TMEM232: variants seen among roughly 807,000 people sequenced by gnomAD.
TMEM232 encodes the protein transmembrane protein 232.
In TMEM232, 80 loss-of-function variants were observed where a neutral mutation model predicts 78.8. The ratio of observed to expected loss-of-function variants is 1.01; its 90% confidence interval spans 0.85 to 1.22. TMEM232 has a LOEUF of 1.22. Ranked by LOEUF, TMEM232 falls within the 50% of genes most tolerant of loss-of-function variation. TMEM232 has a pLI of 0.00. For synonymous variants in TMEM232, 297 were observed against 254.3 expected (o/e 1.17, Z -1.60); for missense variants, 881 against 742.2 (o/e 1.19, Z -2.17).
chr5:110,636,162 A>T (rs984181149), intron 5 of TMEM232, among the ~76,000 whole-genome samples: 1 of 152,054 alleles, frequency 6.6e-6, no homozygotes, highest in Non-Finnish European at 1.5e-5. Context: ...CTAGGCACAG[A>T]AATACAAAAA....
intron 12 of TMEM232, among the ~76,000 whole-genome samples, chr5:110,520,328 A>G (rs1769321476): frequency 1.3e-5 from 2 of 152,070 alleles, no homozygotes; most frequent in South Asian, 4.1e-4. Context: ...ATTTAAAAAG[A>G]GGGAATTCTA....
At position 110,713,027 on chromosome 5, in the gene TMEM232, A is replaced by T. The variant is rs79724301; in HGVS notation, c.-13+13600T>A. On this transcript the variant is annotated intron_variant, in intron 1 of 13. Transcript: ENST00000455884. ...CAACCTAAGCGTCCATCAACAGATG[A>T]GTGGATAGAGAAAATGTTTTTACAC... 7.1e-3 allele frequency among the ~76,000 whole-genome samples: 1,081 copies of T among 152,294 alleles called. 11 individuals are homozygous for T. Among genetic ancestry groups the T allele is most frequent in the African/African-American group, 0.024 (1,007 of 41,566 alleles).
intron 2 of TMEM232, among the ~76,000 whole-genome samples, chr5:110,651,873 A>G (rs1788356420): frequency 6.6e-6 from 1 of 152,192 alleles, no homozygotes; most frequent in South Asian, 2.1e-4. Context: ...GCCTATAAAA[A>G]TCTGCCCTAT....
At chr5:110,389,195 A>C (rs1324805051) in intron 4 of TMEM232, among the ~76,000 whole-genome samples, 1 of 152,208 alleles carries the variant, frequency 6.6e-6, no homozygotes, top group Non-Finnish European at 1.5e-5. Context: ...TAGGAGGCGG[A>C]GGCTGCAGTG....
At chr5:110,449,533 T>C (rs1329586328) in intron 12 of TMEM232, among the ~76,000 whole-genome samples, 6 of 152,040 alleles carry the variant, frequency 3.9e-5, no homozygotes, top group Non-Finnish European at 8.8e-5. Flanking sequence ...TTTTTTTTTT[T>C]CCAGTATATT....
intron 10 of TMEM232, among the ~76,000 whole-genome samples, chr5:110,597,781 T>G (rs1426864007): frequency 1.3e-5 from 2 of 152,120 alleles, no homozygotes; most frequent in Non-Finnish European, 2.9e-5. Context: ...CCCTATTTAA[T>G]AAATGGTGCT....
Position 110,400,127 on chromosome 5 carries a change from T to C in TMEM232, n.309-2273A>G, listed in dbSNP as rs529308496. Among the ~76,000 whole-genome samples the C allele has an allele frequency of 1.1e-4, 16 of 152,302 alleles. No homozygotes were observed. In the South Asian group the frequency reaches 2.7e-3, roughly 26 times the overall value. On this transcript the variant is annotated intron_variant and non_coding_transcript_variant, in intron 2 of 8. Transcript: ENST00000507188. ...ATGTTTAAACAGTAACTACTATATT[T>C]AGAATAATTCCCCTCTTATAGGTCA... is the stretch of plus-strand genomic sequence containing the variant.
intron 11 of TMEM232, among the ~76,000 whole-genome samples, chr5:110,563,865 G>A (rs140106424): frequency 0.019 from 2,824 of 152,016 alleles, 31 homozygotes; most frequent in Admixed American, 0.024. Flanking sequence ...ATTCAAGTGG[G>A]CAGCTCTGTG....
chr5:110,488,765 G>C (rs7708748), intron 12 of TMEM232, among the ~76,000 whole-genome samples: 15,782 of 151,870 alleles, frequency 0.1, 2,015 homozygotes, highest in African/African-American at 0.31. Flanking sequence ...TCAATAGAAC[G>C]AAAAGTTGGT....
At chr5:110,520,607 T>C (rs1247782838) in intron 12 of TMEM232, among the ~76,000 whole-genome samples, 1 of 152,162 alleles carries the variant, frequency 6.6e-6, no homozygotes, top group African/African-American at 2.4e-5. Flanking sequence ...TTGAGAAACA[T>C]CCCAAAATTT....
chr5:110,406,570 C>A (rs963557163), intron 2 of TMEM232, among the ~76,000 whole-genome samples: 4 of 151,972 alleles, frequency 2.6e-5, no homozygotes, highest in African/African-American at 4.8e-5. Context: ...CCTTCACAGA[C>A]AAACAGAAGC....
chr5:110,692,391 G>A (rs1350683725), intron 1 of TMEM232, among the ~76,000 whole-genome samples: 3 of 152,234 alleles, frequency 2.0e-5, no homozygotes, highest in Non-Finnish European at 2.9e-5. Context: ...GAAGATGGGT[G>A]ATTTCTGCAT....
At chr5:110,541,510 G>C (rs1256397865) in intron 11 of TMEM232, among the ~76,000 whole-genome samples, 1 of 152,114 alleles carries the variant, frequency 6.6e-6, no homozygotes, top group Non-Finnish European at 1.5e-5. Context: ...ACTCCAAAGT[G>C]ATAAAGGCAT....
chr5:110,672,274 T>G (rs1258432104), intron 1 of TMEM232, among the ~76,000 whole-genome samples: 1 of 152,202 alleles, frequency 6.6e-6, no homozygotes, highest in African/African-American at 2.4e-5. Context: ...GTGGTAGATA[T>G]TTGCACTTTC....
At chr5:110,593,883 T>C (rs915591041) in intron 10 of TMEM232, among the ~76,000 whole-genome samples, 12 of 152,140 alleles carry the variant, frequency 7.9e-5, no homozygotes, top group African/African-American at 2.9e-4. Flanking sequence ...TTTACCCTGA[T>C]GTAATTATTA....
intron 10 of TMEM232, among the ~76,000 whole-genome samples, chr5:110,576,443 A>G (rs1489704613): frequency 6.6e-6 from 1 of 152,150 alleles, no homozygotes; most frequent in Non-Finnish European, 1.5e-5. Flanking sequence ...CAATATTGTT[A>G]AAATGGCCAT....
At chr5:110,400,907 A>C (rs1755568293) in intron 2 of TMEM232, among the ~76,000 whole-genome samples, 1 of 152,040 alleles carries the variant, frequency 6.6e-6, no homozygotes, top group African/African-American at 2.4e-5. Context: ...TTTCTTCTCT[A>C]TAATCATTAG....
intron 10 of TMEM232, among the ~76,000 whole-genome samples, chr5:110,600,961 G>A (rs943962604): frequency 4.6e-5 from 7 of 152,148 alleles, no homozygotes; most frequent in African/African-American, 1.7e-4. Flanking sequence ...GATCCACCAC[G>A]ATCAAGTCAG....
At chr5:110,657,270 A>C (rs541621461) in intron 2 of TMEM232, among the ~76,000 whole-genome samples, 32 of 152,336 alleles carry the variant, frequency 2.1e-4, no homozygotes, top group African/African-American at 6.7e-4. Flanking sequence ...AGAAAATATA[A>C]TCAGTATGTG....
Sources: allele counts gnomAD v4.1 joint callset (sites outside exome capture counted in the v4.1 genomes callset), GRCh38; gene constraint gnomAD v4.1.1; transcripts MANE v1.5; gene names NCBI Gene and HGNC (gene_info 2026-07-23, HGNC 2026-07-21).